POLR3H: variants seen among roughly 807,000 people sequenced by gnomAD.
The protein encoded by POLR3H is DNA-directed RNA polymerase III subunit RPC8.
Under a neutral mutation model 25.5 loss-of-function variants are expected in POLR3H, and 17 were observed. The ratio of observed to expected loss-of-function variants is 0.67; its 90% CI spans 0.46 to 1.00. The LOEUF is 1.00. POLR3H is among the 50% of genes least tolerant of loss of function. The pLI, the probability that POLR3H is intolerant of heterozygous loss-of-function variation, is 0.00. For synonymous variants in POLR3H, 129 were observed against 103.0 expected (o/e 1.25, Z -1.53); for missense variants, 274 against 265.0 (o/e 1.03, Z -0.24).
rs2066633653 is a variant in POLR3H at position 41,527,771 on chromosome 22, A to G, written c.*1512T>C. On this transcript the variant is annotated 3_prime_UTR_variant, in exon 6 of 6. Coordinates refer to ENST00000355209, the MANE Select transcript of POLR3H (RefSeq NM_001018050.4). ...GTGAAAGGGAGCAGACCAGGGCCCC[A>G]TAGTCACTGCCCGGGCATTGTCCCA... 3.4e-6 allele frequency: 5 copies of G among 1,480,492 alleles called. No homozygotes were observed. Among genetic ancestry groups the G allele is most frequent in the East Asian group, 4.6e-5 (2 of 43,872 alleles). The allele number at this position is 1,480,492 out of a possible 1,614,324, so 91.7% of individuals were successfully genotyped here.
At position 41,544,267 on chromosome 22, in the gene POLR3H, C is replaced by T; in HGVS notation, c.-166G>A. Reference sequence around the variant, plus strand: ...CGGGGGCCCGGTCCGGGCCATGCTCCGCTACTACAACATGAGGAAACTGAG... The same window carrying T: ...CGGGGGCCCGGTCCGGGCCATGCTCTGCTACTACAACATGAGGAAACTGAG... On this transcript the variant is annotated 5_prime_UTR_variant, in exon 1 of 6. Coordinates refer to ENST00000355209, the MANE Select transcript of POLR3H (RefSeq NM_001018050.4). 1 of 578,138 alleles carries T rather than the reference C, an allele frequency of 1.7e-6. No individual in the cohort carries two copies. The highest frequency in any genetic ancestry group is 2.1e-5 in the South Asian group (1 of 48,382). 35.8% of individuals were successfully genotyped at this position (578,138 alleles called of 1,614,324 possible).
rs2066605841 is a variant in POLR3H, at chr22:41,526,728, C to T, written c.*2555G>A. ...CCCTAGACAAAGACAAGGAAGGGGG[C>T]CGACTCAGGAAGTCAGAGGCCAAAA... On this transcript the variant is annotated 3_prime_UTR_variant, in exon 6 of 6. Transcript: ENST00000355209. The T allele has an allele frequency of 5.0e-6, 2 of 402,666 alleles. No homozygotes were observed. The highest frequency in any genetic ancestry group is 2.0e-5 in the African/African-American group (1 of 49,502). 24.9% of individuals were successfully genotyped at this position (402,666 alleles called of 1,614,324 possible). A position where few individuals can be genotyped will look rare whatever the true frequency, so the allele number is the denominator to read the frequency against.
intron 5 of POLR3H, among the ~76,000 whole-genome samples, chr22:41,530,402 T>G (rs1303557269): frequency 6.6e-6 from 1 of 152,224 alleles, no homozygotes. Flanking sequence ...GCCACTGCAC[T>G]TGGCCTCAAA....
chr22:41,535,842 G>A (rs1338422775), intron 2 of POLR3H, among the ~76,000 whole-genome samples: 2 of 152,116 alleles, frequency 1.3e-5, no homozygotes, highest in East Asian at 1.9e-4. Flanking sequence ...GCATGGTGGT[G>A]CATGCCTGTA....
chr22:41,536,603 T>C (rs1412153864), intron 2 of POLR3H, among the ~76,000 whole-genome samples: 4 of 148,604 alleles, frequency 2.7e-5, no homozygotes, highest in Admixed American at 6.7e-5. Flanking sequence ...CAGTGGCTCA[T>C]GCCTATAATC....
At position 41,527,743 on chromosome 22, in the gene POLR3H, C is replaced by G; in HGVS notation, c.*1540G>C. The G allele has an allele frequency of 8.1e-7, 1 of 1,240,692 alleles. No homozygotes were observed. Among genetic ancestry groups the G allele is most frequent in the East Asian group, 2.4e-5 (1 of 41,208 alleles). The allele number at this position is 1,240,692 out of a possible 1,614,324, so 76.9% of individuals were successfully genotyped here. A position where few individuals can be genotyped will look rare whatever the true frequency, so the allele number is the denominator to read the frequency against. On this transcript the variant is annotated 3_prime_UTR_variant, in exon 6 of 6. Transcript: ENST00000355209. ...CAGCGCACACTTGCTAGGGGCACCC[C>G]TAGTGAAAGGGAGCAGACCAGGGCC... is the stretch of plus-strand genomic sequence containing the variant.
At position 41,526,833 on chromosome 22, in the gene POLR3H, GAAAC is replaced by G. The variant is rs985533928; in HGVS notation, c.*2446_*2449del. 3.0e-5 allele frequency: 9 copies of G among 295,188 alleles called. No homozygotes were observed. Among genetic ancestry groups the G allele is most frequent in the African/African-American group, 1.3e-4 (6 of 45,878 alleles). 18.3% of individuals were successfully genotyped at this position (295,188 alleles called of 1,614,324 possible). A position where few individuals can be genotyped will look rare whatever the true frequency, so the allele number is the denominator to read the frequency against. On this transcript the variant is annotated 3_prime_UTR_variant, in exon 6 of 6. Transcript: ENST00000355209. ...GGTGATTGGACTTTTTCTGCTTTGA[GAAAC>G]AAACAGAACCAGGGCTGAACCCAAG...
Position 41,527,653 on chromosome 22 carries a change from A to T in POLR3H, c.*1630T>A, listed in dbSNP as rs767120447. On this transcript the variant is annotated 3_prime_UTR_variant, in exon 6 of 6. Transcript: ENST00000355209. ...TAGATCTGAGCCGCTGAGATCTAGG[A>T]CATGTGCCAGGGGGTTCTTTCTGAT... 67 of 789,680 alleles carry T rather than the reference A, an allele frequency of 8.5e-5. No individual in the cohort carries two copies. Among genetic ancestry groups the T allele is most frequent in the Middle Eastern group, 3.6e-4 (1 of 2,790 alleles). The allele number at this position is 789,680 out of a possible 1,614,324, so 48.9% of individuals were successfully genotyped here.
Position 41,544,233 on chromosome 22 carries a change from G to A in POLR3H, c.-132C>T, listed in dbSNP as rs928534028. 2 of 607,414 alleles carry A rather than the reference G, an allele frequency of 3.3e-6. No homozygotes were observed. Among genetic ancestry groups the A allele is most frequent in the African/African-American group, 3.7e-5 (2 of 53,742 alleles). The allele number at this position is 607,414 out of a possible 1,614,324, so 37.6% of individuals were successfully genotyped here. On this transcript the variant is annotated 5_prime_UTR_variant, in exon 1 of 6. Coordinates refer to ENST00000355209, the MANE Select transcript of POLR3H (RefSeq NM_001018050.4). ...CCCAGGCTGGCGGTGAGGTTGCACG[G>A]GGCGGTCTCGGGGGCCCGGTCCGGG...
chr22:41,534,848 T>C (rs1223291960), intron 2 of POLR3H, among the ~76,000 whole-genome samples: 2 of 148,954 alleles, frequency 1.3e-5, no homozygotes, highest in African/African-American at 5.0e-5. Context: ...GAGCTGAGAC[T>C]GCGCCATTGC....
intron 2 of POLR3H, chr22:41,539,424 T>C (rs1387426907): frequency 1.3e-5 from 2 of 152,320 alleles, no homozygotes; most frequent in Non-Finnish European, 1.5e-5. Context: ...CCATCTCCTA[T>C]ACACTGGTTT....
At chr22:41,543,808 CT>C in intron 1 of POLR3H, 182 bp downstream of exon 1, 1 of 705,744 alleles carries the variant, frequency 1.4e-6, no homozygotes, top group African/African-American at 1.8e-5. Flanking sequence ...TTACAACTCC[CT>C]TTTTCAAGCC....
chr22:41,527,673 T>A lies in POLR3H; in HGVS notation c.*1610A>T, dbSNP rs752208552. On this transcript the variant is annotated 3_prime_UTR_variant, in exon 6 of 6. Transcript: ENST00000355209. ...CTAGGACATGTGCCAGGGGGTTCTT[T>A]CTGATCATGAATGTGCAGCAGGAAG... is the stretch of plus-strand genomic sequence containing the variant. 16 of 797,172 alleles carry A rather than the reference T, an allele frequency of 2.0e-5. 1 individual carries two copies. The highest frequency in any genetic ancestry group is 1.8e-5 in the South Asian group (1 of 54,730). The allele number at this position is 797,172 out of a possible 1,614,324, so 49.4% of individuals were successfully genotyped here.
chr22:41,526,414 G>A lies in POLR3H; in HGVS notation c.*2869C>T, dbSNP rs2066597387. 6.2e-7 allele frequency: 1 copy of A among 1,613,858 alleles called. No individual in the cohort carries two copies. ...ACTCCGTGCGCAATGCCGTCACTCA[G>A]GAGTTTGGCCCCGTCCCTGACACTG... On this transcript the variant is annotated 3_prime_UTR_variant, in exon 6 of 6. Transcript: ENST00000355209.
intron 2 of POLR3H, among the ~76,000 whole-genome samples, chr22:41,537,921 C>T (rs1481775557): frequency 6.6e-6 from 1 of 151,034 alleles, no homozygotes; most frequent in East Asian, 1.9e-4. Context: ...CTCCACCTCC[C>T]AGGGAGCTGA....
chr22:41,534,703 C>G (rs1003160081), intron 2 of POLR3H, among the ~76,000 whole-genome samples: 1 of 151,968 alleles, frequency 6.6e-6, no homozygotes, highest in African/African-American at 2.4e-5. Flanking sequence ...ACCATCCTGG[C>G]CGACATAGTG....
In POLR3H at chr22:41,529,258, T is replaced by G. The variant is rs762315320; in HGVS notation, c.*25A>C. Reference sequence around the variant, plus strand: ...GCCATACCACCTTCCCGCAGGCTGGTAGGGTCCACTGTCCAGCCCCAGGGC... The same window carrying G: ...GCCATACCACCTTCCCGCAGGCTGGGAGGGTCCACTGTCCAGCCCCAGGGC... On this transcript the variant is annotated 3_prime_UTR_variant, in exon 6 of 6. Coordinates refer to ENST00000355209, the MANE Select transcript of POLR3H (RefSeq NM_001018050.4). 2 of 1,604,136 alleles carry G rather than the reference T, an allele frequency of 1.2e-6. No homozygotes were observed. The highest frequency in any genetic ancestry group is 1.7e-5 in the Admixed American group (1 of 59,692).
chr22:41,532,035 C>T, intron 4 of POLR3H, 59 bp downstream of exon 4: 1 of 1,509,196 alleles, frequency 6.6e-7, no homozygotes, highest in Non-Finnish European at 9.2e-7. Flanking sequence ...GGAGTGGGGA[C>T]CTTCCTTTGG....
chr22:41,538,784 G>A (rs1307776605), intron 2 of POLR3H, among the ~76,000 whole-genome samples: 5 of 152,122 alleles, frequency 3.3e-5, no homozygotes, highest in African/African-American at 7.2e-5. Flanking sequence ...TCGGCCTCTC[G>A]GCGTACCATG....
Sources: allele counts gnomAD v4.1 joint callset (sites outside exome capture counted in the v4.1 genomes callset), GRCh38; gene constraint gnomAD v4.1.1; transcripts MANE v1.5; gene names NCBI Gene and HGNC (gene_info 2026-07-23, HGNC 2026-07-21).